The following NAV2 variants were observed in gnomAD, a reference collection of about 807,000 sequenced individuals.
NAV2 encodes the protein neuron navigator 2, also known as helicase, APC down-regulated 1.
In NAV2, 54 loss-of-function variants were observed where a neutral mutation model predicts 223.2. The ratio of observed to expected loss-of-function variants is 0.24; its 90% confidence interval spans 0.19 to 0.30. The LOEUF (loss-of-function observed/expected upper bound fraction) is 0.30. Ranked by LOEUF, NAV2 falls within the 10% of genes least tolerant of loss-of-function variation. The pLI, the probability that NAV2 is intolerant of heterozygous loss-of-function variation, is 1.00. For synonymous variants in NAV2, 1,279 were observed against 1,239.3 expected, an observed-to-expected ratio of 1.03 and a Z score of -0.67; for missense variants, 2,806 against 3,147.5, an observed-to-expected ratio of 0.89 and a Z score of 2.60.
Position 19,477,973 on chromosome 11 carries a change from G to T in NAV2, c.75+126946G>T, listed in dbSNP as rs1248229957. ...AAATGCAATGTCATTCAATACAAAG[G>T]CTAACTTGCTGCTATCATGGCAAAT... On this transcript the variant is annotated intron_variant, in intron 1 of 37. Transcript: ENST00000360655. Among the ~76,000 whole-genome samples the T allele has an allele frequency of 2.0e-5, 3 of 152,148 alleles. No individual in the cohort carries two copies. The East Asian group carries it at 5.8e-4, about 29-fold the overall frequency.
At chr11:20,020,688 CGATAT>C (rs1032534733) in intron 11 of NAV2, among the ~76,000 whole-genome samples, 17 of 152,168 alleles carry the variant, frequency 1.1e-4, no homozygotes, top group Non-Finnish European at 2.1e-4. Context: ...GTAATCAAAA[CGATAT>C]GTTTAGTGTT....
intron 1 of NAV2, among the ~76,000 whole-genome samples, chr11:19,438,716 T>G (rs1810356159): frequency 6.6e-6 from 1 of 152,176 alleles, no homozygotes; most frequent in South Asian, 2.1e-4. Context: ...ACTGGTTTAT[T>G]ATAAACGGTA....
In NAV2 at chr11:20,092,244, G is replaced by T. The variant is rs1283025209; in HGVS notation, c.5691G>T (p.Leu1897=). Residue 1897 remains leucine (L), a synonymous_variant, in exon 28 of 38, where the codon CTG becomes CTT. Transcript: ENST00000349880. The part of the protein sequence containing the change: ...IEKLKAENDR[L]KSESQGSGCS... ...AGCTGAAAGCTGAGAATGATCGGCT[G>T]AAGTCAGAGTCTCAAGGCAGTGGCT... 6.2e-7 allele frequency: 1 copy of T among 1,614,102 alleles called. No homozygotes were observed. The highest frequency in any genetic ancestry group is 2.2e-5 in the East Asian group (1 of 44,894).
chr11:19,401,283 C>T (rs1383927152), intron 1 of NAV2, among the ~76,000 whole-genome samples: 3 of 152,170 alleles, frequency 2.0e-5, no homozygotes, highest in Non-Finnish European at 4.4e-5. Flanking sequence ...TTGGGATATT[C>T]ATGTAAAATA....
intron 1 of NAV2, among the ~76,000 whole-genome samples, chr11:19,813,429 G>A (rs573647740): frequency 7.9e-5 from 12 of 152,304 alleles, no homozygotes; most frequent in African/African-American, 2.9e-4. Flanking sequence ...TTTGCCTGGG[G>A]CAGCCAAAGA....
intron 1 of NAV2, among the ~76,000 whole-genome samples, chr11:19,757,550 G>A (rs1366785626): frequency 3.3e-5 from 5 of 152,156 alleles, no homozygotes; most frequent in South Asian, 4.1e-4. Flanking sequence ...AGTTTTATCA[G>A]CTATAAAGTA....
intron 1 of NAV2, among the ~76,000 whole-genome samples, chr11:19,419,712 C>G (rs1850530676): frequency 6.6e-6 from 1 of 152,148 alleles, no homozygotes; most frequent in Non-Finnish European, 1.5e-5. Context: ...CATAATGAAA[C>G]TGGAAGGAAC....
chr11:19,929,045 A>T (rs1312391979), intron 6 of NAV2, among the ~76,000 whole-genome samples: 1 of 152,124 alleles, frequency 6.6e-6, no homozygotes, highest in African/African-American at 2.4e-5. Flanking sequence ...CCTTGAGCTC[A>T]GGAGTTTGAG....
At chr11:19,724,568 G>A (rs1184269759) in intron 1 of NAV2, among the ~76,000 whole-genome samples, 1 of 152,238 alleles carries the variant, frequency 6.6e-6, no homozygotes, top group East Asian at 1.9e-4. Flanking sequence ...TTGGCTCAAA[G>A]AATCAGAAAA....
chr11:19,829,388 G>T (rs561760669), intron 1 of NAV2, among the ~76,000 whole-genome samples: 4 of 152,280 alleles, frequency 2.6e-5, no homozygotes, highest in African/African-American at 7.2e-5. Context: ...CCAGACTCTT[G>T]AAATTTGGCT....
chr11:20,039,888 G>A (rs4757884), intron 12 of NAV2, among the ~76,000 whole-genome samples: 150,926 of 152,326 alleles, frequency 0.99, 74,784 homozygotes, highest in East Asian at 1. Flanking sequence ...GTGGCCTTGA[G>A]TGACCCTAGA....
rs146484711 is a variant in NAV2, at chr11:20,066,511, G to A, written c.4885-1675G>A. ...TGCAAGGATTAAATGACTTGGCTCC[G>A]TGTATTTAAAAATTGGTTGCTGCTA... On this transcript the variant is annotated intron_variant, in intron 20 of 37. Coordinates refer to ENST00000349880, the MANE Select transcript of NAV2 (RefSeq NM_145117.5). 2.7e-3 allele frequency among the ~76,000 whole-genome samples: 406 copies of A among 152,290 alleles called. 3 individuals carry two copies. The highest frequency in any genetic ancestry group is 9.0e-3 in the African/African-American group (376 of 41,562).
At chr11:19,381,606 G>C (rs934025566) in intron 1 of NAV2, among the ~76,000 whole-genome samples, 2 of 152,188 alleles carry the variant, frequency 1.3e-5, no homozygotes, top group African/African-American at 4.8e-5. Context: ...TGGATAGTGA[G>C]GTGGGGATAT....
intron 22 of NAV2, among the ~76,000 whole-genome samples, chr11:20,074,760 C>CCTGTTTTTTTTT (rs56895607): frequency 9.1e-6 from 1 of 110,262 alleles, no homozygotes; most frequent in African/African-American, 3.8e-5. Context: ...TGCAACTCTG[C>CCTGTTTTTTTTT]TTTTTTTTTT....
At chr11:20,029,396 C>T (rs12577574) in intron 11 of NAV2, among the ~76,000 whole-genome samples, 20,939 of 152,108 alleles carry the variant, frequency 0.14, 1,522 homozygotes, top group East Asian at 0.21. Context: ...TTGGTGGGCC[C>T]GGGCTTTGGA....
intron 26 of NAV2, 77 bp from the exon 27 acceptor site, chr11:20,090,788 T>C: frequency 4.0e-6 from 6 of 1,488,172 alleles, no homozygotes; most frequent in Non-Finnish European, 4.6e-6. Context: ...TAAACAAACC[T>C]GATGATTGAT....
chr11:19,858,117 A>C lies in NAV2; in HGVS notation c.439-10808A>C, dbSNP rs534329074. ...GTGATCCACCTGCCTTGGCCTCCCAAAGTGCTGGGATTAAAGGCGTGAGCC... is the reference window on the plus strand; with the variant it reads ...GTGATCCACCTGCCTTGGCCTCCCACAGTGCTGGGATTAAAGGCGTGAGCC... On this transcript the variant is annotated intron_variant, in intron 3 of 37. Coordinates refer to ENST00000349880, the MANE Select transcript of NAV2 (RefSeq NM_145117.5). Among the ~76,000 whole-genome samples, 34 of 152,318 alleles carry C rather than the reference A, an allele frequency of 2.2e-4. No individual in the cohort carries two copies. The East Asian group carries it at 6.4e-3, about 29-fold the overall frequency.
chr11:19,773,243 T>C (rs185482593), intron 1 of NAV2, among the ~76,000 whole-genome samples: 1 of 152,288 alleles, frequency 6.6e-6, no homozygotes, highest in African/African-American at 2.4e-5. Context: ...TGTTGAGTGA[T>C]TGAACGATGT....
At chr11:19,664,946 C>G (rs772306554) in intron 1 of NAV2, among the ~76,000 whole-genome samples, 1 of 152,174 alleles carries the variant, frequency 6.6e-6, no homozygotes, top group Non-Finnish European at 1.5e-5. Context: ...ACCAAGAGCT[C>G]AGAGAAATTA....
Sources: allele counts gnomAD v4.1 joint callset (sites outside exome capture counted in the v4.1 genomes callset), GRCh38; gene constraint gnomAD v4.1.1; transcripts MANE v1.5; gene names NCBI Gene and HGNC (gene_info 2026-07-23, HGNC 2026-07-21).